The following CDH18 variants were observed in gnomAD, a reference collection of about 807,000 sequenced individuals.
CDH18 encodes the protein cadherin-18.
Under a neutral mutation model 67.9 loss-of-function variants are expected in CDH18, and 31 were observed. That is an observed-to-expected ratio of 0.46 (90% CI 0.34 to 0.62). The LOEUF is 0.62. Among genes scored for constraint, CDH18 ranks in the 20% least tolerant of loss-of-function variants. The probability of loss-of-function intolerance (pLI) is 0.01; values close to 1 mark genes in which losing one functional copy is unlikely to be tolerated. For synonymous variants in CDH18, 362 were observed against 347.2 expected (o/e 1.04, Z -0.48); for missense variants, 890 against 975.5 (o/e 0.91, Z 1.17).
chr5:20,246,624 T>C (rs1182877102), intron 2 of CDH18, among the ~76,000 whole-genome samples: 1 of 152,128 alleles, frequency 6.6e-6, no homozygotes, highest in African/African-American at 2.4e-5. Flanking sequence ...AAGAAACCAA[T>C]GGCTTTGATT....
rs1467809934 is a variant in CDH18 at position 20,179,521 on chromosome 5, A to G, written c.-518+75923T>C. On this transcript the variant is annotated intron_variant, in intron 2 of 14. Transcript: ENST00000507958. ...GCAAAAACTGACTAAATTGTGTACT[A>G]CTGTCACCAGTAGGTTACAATTTTA... 1.3e-5 allele frequency among the ~76,000 whole-genome samples: 2 copies of G among 152,168 alleles called. 1 individual carries two copies. The highest frequency in any genetic ancestry group is 2.9e-5 in the Non-Finnish European group (2 of 68,006).
At chr5:19,493,310 G>C (rs1003833615) in intron 11 of CDH18, among the ~76,000 whole-genome samples, 1 of 152,084 alleles carries the variant, frequency 6.6e-6, no homozygotes, top group Admixed American at 6.6e-5. Context: ...CCTTGAATCA[G>C]AACAGTTTAA....
At chr5:19,996,227 T>C (rs1736006428) in intron 2 of CDH18, among the ~76,000 whole-genome samples, 1 of 152,110 alleles carries the variant, frequency 6.6e-6, no homozygotes, top group South Asian at 2.1e-4. Flanking sequence ...TGAGAGACTT[T>C]GAAAAATGAT....
intron 2 of CDH18, among the ~76,000 whole-genome samples, chr5:19,960,721 G>A (rs1796781676): frequency 7.7e-6 from 1 of 129,082 alleles, no homozygotes; most frequent in African/African-American, 3.9e-5. Context: ...GTATACACGT[G>A]TATATACGTA....
intron 1 of CDH18, among the ~76,000 whole-genome samples, chr5:20,485,595 C>T (rs890234035): frequency 1.0e-3 from 151 of 150,706 alleles, no homozygotes; most frequent in African/African-American, 3.5e-3. Context: ...ATTAATTTAG[C>T]CTTTTAATTT....
At chr5:19,724,284 C>T (rs1044775423) in intron 4 of CDH18, among the ~76,000 whole-genome samples, 1 of 151,886 alleles carries the variant, frequency 6.6e-6, no homozygotes, top group Non-Finnish European at 1.5e-5. Context: ...TGCTATGATT[C>T]CATTTATATA....
intron 1 of CDH18, among the ~76,000 whole-genome samples, chr5:20,334,914 A>G (rs1318136769): frequency 6.6e-6 from 1 of 152,136 alleles, no homozygotes; most frequent in East Asian, 1.9e-4. Context: ...CTCTGTCTCC[A>G]AAACACAGTG....
intron 1 of CDH18, among the ~76,000 whole-genome samples, chr5:20,416,760 C>A (rs2150152276): frequency 6.6e-6 from 1 of 152,056 alleles, no homozygotes; most frequent in South Asian, 2.1e-4. Flanking sequence ...TCACTTAATT[C>A]TTGATATGAA....
chr5:20,068,373 T>C (rs1743166118), intron 2 of CDH18, among the ~76,000 whole-genome samples: 1 of 152,046 alleles, frequency 6.6e-6, no homozygotes, highest in Admixed American at 6.6e-5. Flanking sequence ...GTTCAAAATA[T>C]GTGCTAAAAA....
chr5:20,088,491 C>T (rs538255254), intron 2 of CDH18, among the ~76,000 whole-genome samples: 1 of 152,212 alleles, frequency 6.6e-6, no homozygotes, highest in Non-Finnish European at 1.5e-5. Flanking sequence ...TTCTTTTCTC[C>T]TGGATGACTA....
At chr5:20,478,787 G>A (rs1289934034) in intron 1 of CDH18, among the ~76,000 whole-genome samples, 1 of 152,144 alleles carries the variant, frequency 6.6e-6, no homozygotes, top group Non-Finnish European at 1.5e-5. Context: ...TCATCACTGT[G>A]GATTTTGGGT....
At chr5:20,467,183 T>A (rs1751690579) in intron 1 of CDH18, among the ~76,000 whole-genome samples, 2 of 152,254 alleles carry the variant, frequency 1.3e-5, no homozygotes, top group South Asian at 4.1e-4. Context: ...ACAATTTAAA[T>A]GTGAATATAT....
At chr5:20,287,507 T>C (rs759657799) in intron 1 of CDH18, among the ~76,000 whole-genome samples, 1 of 151,752 alleles carries the variant, frequency 6.6e-6, no homozygotes, top group Non-Finnish European at 1.5e-5. Context: ...AATCTAAATA[T>C]CTTCTCAAAT....
chr5:19,540,733 G>A (rs139948201), intron 9 of CDH18, among the ~76,000 whole-genome samples: 4 of 152,194 alleles, frequency 2.6e-5, no homozygotes, highest in African/African-American at 7.2e-5. Flanking sequence ...CAGCTGGTGC[G>A]ACTGGGATGC....
intron 1 of CDH18, among the ~76,000 whole-genome samples, chr5:20,400,343 T>C (rs934841730): frequency 2.1e-4 from 32 of 152,054 alleles, no homozygotes; most frequent in African/African-American, 6.0e-4. Context: ...CCAGGCGTGG[T>C]GTCAGGCACC....
At chr5:19,501,673 T>C (rs116398577) in intron 11 of CDH18, among the ~76,000 whole-genome samples, 1,576 of 152,178 alleles carry the variant, frequency 0.01, 23 homozygotes, top group African/African-American at 0.036. Context: ...CAAATTTAAA[T>C]TATTTTAAAA....
At chr5:20,391,212 C>T (rs1562026250) in intron 1 of CDH18, among the ~76,000 whole-genome samples, 1 of 151,880 alleles carries the variant, frequency 6.6e-6, no homozygotes, top group Non-Finnish European at 1.5e-5. Flanking sequence ...ATATATATAA[C>T]ATAAACACAT....
At chr5:19,742,862 C>T (rs1553100) in intron 4 of CDH18, among the ~76,000 whole-genome samples, 113,800 of 152,016 alleles carry the variant, frequency 0.75, 44,755 homozygotes, top group Non-Finnish European at 0.87. Context: ...AGGCCCCATA[C>T]GTTGATAAAA....
intron 3 of CDH18, among the ~76,000 whole-genome samples, chr5:19,792,401 A>T (rs1301649091): frequency 6.6e-6 from 1 of 152,098 alleles, no homozygotes; most frequent in Non-Finnish European, 1.5e-5. Context: ...TAGGAGTTAC[A>T]TTGTTGGCTG....
Sources: gnomAD v4.1 joint callset for allele counts (sites outside exome capture counted in the v4.1 genomes callset) on GRCh38, gnomAD v4.1.1 for gene constraint, MANE v1.5 for transcripts, NCBI Gene and HGNC (gene_info 2026-07-23, HGNC 2026-07-21) for gene names.